The following GMDS variants were observed in gnomAD, a reference collection of about 807,000 sequenced individuals.
The protein encoded by GMDS is GDP-mannose 4,6-dehydratase.
In GMDS, 20 loss-of-function variants were observed where a neutral mutation model predicts 49.9. That is an observed-to-expected ratio of 0.40 (90% confidence interval 0.28 to 0.58). GMDS has a LOEUF of 0.58. Among genes scored for constraint, GMDS ranks in the 20% least tolerant of loss-of-function variants. GMDS has a pLI of 0.42. For synonymous variants in GMDS, 177 were observed against 178.6 expected (o/e 0.99, Z 0.07); for missense variants, 362 against 481.4 (o/e 0.75, Z 2.32).
intron 7 of GMDS, among the ~76,000 whole-genome samples, chr6:1,880,459 AAAC>A (rs1759310794): frequency 6.6e-6 from 1 of 152,044 alleles, no homozygotes; most frequent in Non-Finnish European, 1.5e-5. Flanking sequence ...TTTGTCTCTA[AAAC>A]AACAACGACA....
At chr6:1,629,544 A>G (rs1231079208) in intron 9 of GMDS, among the ~76,000 whole-genome samples, 1 of 152,176 alleles carries the variant, frequency 6.6e-6, no homozygotes, top group Non-Finnish European at 1.5e-5. Flanking sequence ...GAAGTGGCAG[A>G]GGGAGGAGCA....
chr6:2,039,455 T>C (rs746212943), intron 4 of GMDS, among the ~76,000 whole-genome samples: 11 of 152,360 alleles, frequency 7.2e-5, no homozygotes, highest in Non-Finnish European at 1.3e-4. Context: ...ATAAACTTTT[T>C]AGTATTTTTA....
chr6:1,643,298 T>A (rs1763387801), intron 9 of GMDS, among the ~76,000 whole-genome samples: 1 of 152,096 alleles, frequency 6.6e-6, no homozygotes, highest in Non-Finnish European at 1.5e-5. Context: ...ACCCAGCCCA[T>A]TTGGCAGGAC....
intron 7 of GMDS, among the ~76,000 whole-genome samples, chr6:1,908,528 T>C (rs541163498): frequency 6.6e-6 from 1 of 152,360 alleles, no homozygotes; most frequent in South Asian, 2.1e-4. Context: ...TGGGCTATGC[T>C]ACAAACCTCA....
intron 1 of GMDS, among the ~76,000 whole-genome samples, chr6:2,216,591 A>G (rs1237871229): frequency 6.6e-6 from 1 of 152,196 alleles, no homozygotes; most frequent in East Asian, 1.9e-4. Flanking sequence ...CTGGTGTGGC[A>G]GCACGCACCT....
intron 1 of GMDS, among the ~76,000 whole-genome samples, chr6:2,192,824 G>A (rs753758971): frequency 2.2e-4 from 34 of 152,142 alleles, no homozygotes; most frequent in South Asian, 6.2e-4. Context: ...GATCCAGGCC[G>A]GTACCATGAG....
At chr6:1,655,939 G>GAATCACATT (rs1345887946) in intron 9 of GMDS, among the ~76,000 whole-genome samples, 1 of 152,190 alleles carries the variant, frequency 6.6e-6, no homozygotes, top group Non-Finnish European at 1.5e-5. Flanking sequence ...CTCAGAGTCA[G>GAATCACATT]AATCACATTG....
intron 3 of GMDS, among the ~76,000 whole-genome samples, chr6:2,116,102 A>G (rs1774833982): frequency 6.6e-6 from 1 of 152,208 alleles, no homozygotes; most frequent in Admixed American, 6.5e-5. Context: ...TTTTGGTGGT[A>G]AACTCAGAAA....
At chr6:2,103,626 T>C (rs1774051383) in intron 4 of GMDS, among the ~76,000 whole-genome samples, 1 of 152,214 alleles carries the variant, frequency 6.6e-6, no homozygotes, top group African/African-American at 2.4e-5. Flanking sequence ...ATTGCTTTTC[T>C]ACAACTCACT....
At chr6:2,122,275 G>T (rs1358074193) in intron 2 of GMDS, among the ~76,000 whole-genome samples, 1 of 152,164 alleles carries the variant, frequency 6.6e-6, no homozygotes, top group African/African-American at 2.4e-5. Context: ...ACTGACTGGG[G>T]TCGTGTTAGA....
At position 1,967,665 on chromosome 6, in the gene GMDS, C is replaced by T. The variant is rs553037275; in HGVS notation, c.346-6699G>A. On this transcript the variant is annotated intron_variant, in intron 4 of 10. Coordinates refer to ENST00000380815, the MANE Select transcript of GMDS (RefSeq NM_001500.4). ...GCAGGAGGAGATAGTTAGGAAAATG[C>T]GCAAAGACACTGCGATGGGATATCA... 1.8e-3 allele frequency among the ~76,000 whole-genome samples: 277 copies of T among 152,250 alleles called. 2 individuals are homozygous for T. The highest frequency in any genetic ancestry group is 3.4e-3 in the Middle Eastern group (1 of 294).
At chr6:1,986,357 C>G (rs1181925179) in intron 4 of GMDS, among the ~76,000 whole-genome samples, 1 of 152,112 alleles carries the variant, frequency 6.6e-6, no homozygotes, top group Non-Finnish European at 1.5e-5. Context: ...ATGCTGGAGG[C>G]TGATACGTGG....
intron 2 of GMDS, among the ~76,000 whole-genome samples, chr6:2,119,072 A>G (rs1385271918): frequency 6.6e-6 from 1 of 152,176 alleles, no homozygotes; most frequent in Non-Finnish European, 1.5e-5. Context: ...TCTCTGTTTT[A>G]TTAAATAAAA....
chr6:1,754,613 G>A (rs1017420778), intron 7 of GMDS, among the ~76,000 whole-genome samples: 3 of 152,152 alleles, frequency 2.0e-5, no homozygotes, highest in Non-Finnish European at 2.9e-5. Context: ...GATGAACATC[G>A]ATGTGAAAAT....
intron 7 of GMDS, among the ~76,000 whole-genome samples, chr6:1,769,743 C>T (rs1768504641): frequency 6.6e-6 from 1 of 151,816 alleles, no homozygotes; most frequent in Non-Finnish European, 1.5e-5. Flanking sequence ...TGCACTGTCA[C>T]CCAGGCTGGA....
chr6:1,950,507 A>G (rs2127276116), intron 6 of GMDS, among the ~76,000 whole-genome samples: 1 of 152,354 alleles, frequency 6.6e-6, no homozygotes, highest in East Asian at 1.9e-4. Context: ...TGATTAGAAG[A>G]GTCCTGGGTT....
At chr6:2,241,918 G>C (rs1228992246) in intron 1 of GMDS, among the ~76,000 whole-genome samples, 2 of 152,194 alleles carry the variant, frequency 1.3e-5, no homozygotes. Context: ...GGACACTGCA[G>C]ACATGCAGTG....
chr6:1,888,122 A>T (rs1009536667), intron 7 of GMDS, among the ~76,000 whole-genome samples: 10 of 108,532 alleles, frequency 9.2e-5, no homozygotes, highest in South Asian at 3.0e-4. Flanking sequence ...CTATTTTTTT[A>T]TTATTATTAT....
At chr6:1,962,969 C>A (rs940509249) in intron 4 of GMDS, among the ~76,000 whole-genome samples, 17 of 150,952 alleles carry the variant, frequency 1.1e-4, no homozygotes, top group African/African-American at 3.9e-4. Flanking sequence ...CTCTGCCTCC[C>A]GGGTTCAAGT....
Sources: allele counts gnomAD v4.1 joint callset (sites outside exome capture counted in the v4.1 genomes callset), GRCh38; gene constraint gnomAD v4.1.1; transcripts MANE v1.5; gene names NCBI Gene and HGNC (gene_info 2026-07-23, HGNC 2026-07-21).